Variants in RNF43 observed in about 807,000 individuals in gnomAD.
The protein encoded by RNF43 is ring finger protein 43, also known as E3 ubiquitin-protein ligase RNF43.
In RNF43, 37 loss-of-function variants were observed where a neutral mutation model predicts 78.4. The observed-to-expected ratio is 0.47, with a 90% CI of 0.36 to 0.62. The LOEUF (loss-of-function observed/expected upper bound fraction) is 0.62, where lower values mean the gene tolerates loss of function less well. RNF43 is among the 20% of genes least tolerant of loss of function. RNF43 has a pLI of 0.00. For synonymous variants in RNF43, 347 were observed against 395.0 expected (o/e 0.88, Z 1.44); for missense variants, 774 against 1,007.9 (o/e 0.77, Z 3.14).
At chr17:58,399,688 C>G (rs1973754354) in intron 2 of RNF43, among the ~76,000 whole-genome samples, 1 of 151,720 alleles carries the variant, frequency 6.6e-6, no homozygotes, top group South Asian at 2.1e-4. Flanking sequence ...GTCACCCAGG[C>G]TGGAGTGCAG....
chr17:58,374,620 T>C (rs1665547961), intron 2 of RNF43, among the ~76,000 whole-genome samples: 1 of 152,130 alleles, frequency 6.6e-6, no homozygotes, highest in South Asian at 2.1e-4. Context: ...CTTGAACTCC[T>C]GACCTCATGA....
intron 2 of RNF43, among the ~76,000 whole-genome samples, chr17:58,405,516 G>A (rs1213243905): frequency 6.6e-6 from 1 of 151,944 alleles, no homozygotes; most frequent in Non-Finnish European, 1.5e-5. Flanking sequence ...TTGAAAAAAT[G>A]AAAATCAGCA....
chr17:58,375,891 C>T (rs985152973), intron 2 of RNF43, among the ~76,000 whole-genome samples: 1 of 152,186 alleles, frequency 6.6e-6, no homozygotes, highest in African/African-American at 2.4e-5. Flanking sequence ...TTGCCAAAAG[C>T]AAATGTTGTT....
chr17:58,365,183 TAG>T (rs1026051392), intron 3 of RNF43, among the ~76,000 whole-genome samples: 11 of 152,096 alleles, frequency 7.2e-5, no homozygotes, highest in African/African-American at 2.7e-4. Context: ...TCCAGGCAGG[TAG>T]AGACTTTCCA....
chr17:58,391,387 C>T (rs561310994), intron 2 of RNF43, among the ~76,000 whole-genome samples: 24 of 152,280 alleles, frequency 1.6e-4, no homozygotes, highest in Admixed American at 5.2e-4. Context: ...AGGTGCAGAA[C>T]AAAAGGAAAT....
chr17:58,401,174 C>T (rs953064677), intron 2 of RNF43, among the ~76,000 whole-genome samples: 22 of 152,126 alleles, frequency 1.4e-4, no homozygotes, highest in Non-Finnish European at 2.6e-4. Context: ...TAATAATTAC[C>T]AAATGATTCA....
chr17:58,360,921 G>A lies in RNF43; in HGVS notation c.711C>T (p.Ala237=), dbSNP rs2143448136. The A allele has an allele frequency of 1.3e-6, 2 of 1,599,014 alleles. No individual in the cohort carries two copies. The highest frequency in any genetic ancestry group is 1.7e-6 in the Non-Finnish European group (2 of 1,170,714). Reference sequence around the variant, plus strand: ...TGGTGGCCAGCTGGCTGATGGCCCAGGCTGTTCTCTGCTGAAGCGGATCCT... The same window carrying A: ...TGGTGGCCAGCTGGCTGATGGCCCAAGCTGTTCTCTGCTGAAGCGGATCCT... The part of the protein sequence containing the change: ...SRPDPLQQRT[A]WAISQLATRR... Residue 237 remains alanine, a synonymous_variant, in exon 7 of 10, where the codon GCC becomes GCT. Coordinates refer to ENST00000407977, the MANE Select transcript of RNF43 (RefSeq NM_017763.6). The surrounding 1 kb of genome is among the most constrained non-coding windows in gnomAD (Gnocchi z 4.3).
At chr17:58,355,353 A>G (rs1381403462) in intron 9 of RNF43, among the ~76,000 whole-genome samples, 2 of 152,216 alleles carry the variant, frequency 1.3e-5, no homozygotes, top group African/African-American at 2.4e-5. Flanking sequence ...ACAAATGGCC[A>G]TTACGCCAGT....
intron 2 of RNF43, among the ~76,000 whole-genome samples, chr17:58,414,560 G>C (rs966336578): frequency 7.9e-5 from 12 of 152,180 alleles, no homozygotes; most frequent in Admixed American, 2.0e-4. Flanking sequence ...ATGAAATGCT[G>C]TGCCCCCAGT....
At chr17:58,353,260 T>A (rs1202823073), downstream of RNF43, 3 of 219,132 alleles carry the variant, frequency 1.4e-5, no homozygotes, top group Non-Finnish European at 2.7e-5. Context: ...TTTCTATCAC[T>A]GAATAAAACT....
At position 58,400,255 on chromosome 17, in the gene RNF43, GTAATA is replaced by G. The variant is rs1973769445; in HGVS notation, c.252+15066_252+15070del. Among the ~76,000 whole-genome samples the G allele has an allele frequency of 2.0e-5, 3 of 152,246 alleles. No homozygotes were observed. The South Asian group carries it at 6.2e-4, about 32-fold the overall frequency. Reference sequence around the variant, plus strand: ...CTAAGGCTACCTGTACTACATTATGGTAATATTTAATCAGCACCCTTAACCCACAA... The same window carrying G: ...CTAAGGCTACCTGTACTACATTATGGTTTAATCAGCACCCTTAACCCACAA... On this transcript the variant is annotated intron_variant, in intron 2 of 9. Coordinates refer to ENST00000407977, the MANE Select transcript of RNF43 (RefSeq NM_017763.6).
intron 2 of RNF43, among the ~76,000 whole-genome samples, chr17:58,405,708 A>AAGAG (rs1397319257): frequency 4.3e-5 from 5 of 115,000 alleles, no homozygotes; most frequent in African/African-American, 7.4e-5. Context: ...GACAGAAAGA[A>AAGAG]AGAAAGAAAG....
chr17:58,387,173 A>G (rs769805533), intron 2 of RNF43, among the ~76,000 whole-genome samples: 1 of 152,148 alleles, frequency 6.6e-6, no homozygotes, highest in Non-Finnish European at 1.5e-5. Context: ...ATTTCAAACA[A>G]TGTTAACAGA....
intron 2 of RNF43, among the ~76,000 whole-genome samples, chr17:58,389,797 A>G (rs1358127345): frequency 1.3e-5 from 2 of 152,228 alleles, no homozygotes; most frequent in African/African-American, 2.4e-5. Context: ...CTACATAAAT[A>G]TGATCTAACA....
chr17:58,373,251 A>T (rs1973139557), intron 2 of RNF43, among the ~76,000 whole-genome samples: 1 of 152,176 alleles, frequency 6.6e-6, no homozygotes, highest in African/African-American at 2.4e-5. Context: ...AGAAGTTCCT[A>T]CAGTGTGTCT....
intron 2 of RNF43, among the ~76,000 whole-genome samples, chr17:58,408,425 A>C (rs913605680): frequency 2.6e-5 from 4 of 152,194 alleles, no homozygotes; most frequent in African/African-American, 7.2e-5. Context: ...TCACAAATTT[A>C]AGTACTAAGA....
At chr17:58,368,012 C>A (rs1256133951) in intron 3 of RNF43, among the ~76,000 whole-genome samples, 1 of 152,174 alleles carries the variant, frequency 6.6e-6, no homozygotes, top group African/African-American at 2.4e-5. Context: ...GAAATAGAGG[C>A]TGGCTTAGAG....
At chr17:58,375,348 A>G (rs1288015142) in intron 2 of RNF43, among the ~76,000 whole-genome samples, 2 of 152,144 alleles carry the variant, frequency 1.3e-5, no homozygotes, top group African/African-American at 2.4e-5. Context: ...TAACATTCCC[A>G]TCCTATATCT....
rs1421209971 is a variant in RNF43 at position 58,354,574 on chromosome 17, C to G, written c.*369G>C. ...AACATGAGGCTTGGGGTGAGGGAAA[C>G]CAAGTAGGGGTTGGAGAAGGAGCAG... On this transcript the variant is annotated 3_prime_UTR_variant, in exon 10 of 10. Transcript: ENST00000407977. 1.1e-5 allele frequency: 4 copies of G among 378,122 alleles called. No individual in the cohort carries two copies. Among genetic ancestry groups the G allele is most frequent in the Admixed American group, 7.3e-5 (2 of 27,496 alleles). The allele number at this position is 378,122 out of a possible 1,614,324, so 23.4% of individuals were successfully genotyped here. A position where few individuals can be genotyped will look rare whatever the true frequency, so the allele number is the denominator to read the frequency against.
Sources: gnomAD v4.1 joint callset for allele counts (sites outside exome capture counted in the v4.1 genomes callset) on GRCh38, gnomAD v4.1.1 for gene constraint, Gnocchi (gnomAD v3.1) non-coding constraint, MANE v1.5 for transcripts, NCBI Gene and HGNC (gene_info 2026-07-23, HGNC 2026-07-21) for gene names.